LRIG1: variants seen among roughly 807,000 people sequenced by gnomAD.
The protein encoded by LRIG1 is leucine rich repeats and immunoglobulin like domains 1, also known as leucine-rich repeats and immunoglobulin-like domains protein 1.
Under a neutral mutation model 99.2 loss-of-function variants are expected in LRIG1, and 48 were observed. That is an observed-to-expected ratio of 0.48 (90% CI 0.38 to 0.62). LRIG1 has a LOEUF of 0.62. LRIG1 is among the 20% of genes least tolerant of loss of function. The pLI, the probability that LRIG1 is intolerant of heterozygous loss-of-function variation, is 0.00. For synonymous variants in LRIG1, 772 were observed against 596.1 expected (o/e 1.29, Z -4.30); for missense variants, 1,646 against 1,434.4 (o/e 1.15, Z -2.38).
At chr3:66,404,401 C>A in intron 9 of LRIG1, 1 of 1,248,448 alleles carries the variant, frequency 8.0e-7, no homozygotes, top group South Asian at 1.4e-5. Flanking sequence ...TGCTAGTAAA[C>A]AGTAATAATG....
intron 1 of LRIG1, among the ~76,000 whole-genome samples, chr3:66,491,792 G>A (rs2106925471): frequency 6.6e-6 from 1 of 152,222 alleles, no homozygotes; most frequent in East Asian, 1.9e-4. Context: ...GATCAAATAA[G>A]ACAGCTGATG....
At chr3:66,403,930 A>G (rs183157252) in intron 9 of LRIG1, among the ~76,000 whole-genome samples, 70 of 152,290 alleles carry the variant, frequency 4.6e-4, no homozygotes, top group African/African-American at 1.6e-3. Context: ...CTTGCTAAGA[A>G]GGCCTCTGCC....
intron 12 of LRIG1, chr3:66,386,597 C>A (rs1381891433): frequency 8.8e-6 from 3 of 341,772 alleles, no homozygotes; most frequent in Non-Finnish European, 1.6e-5. Context: ...CTTAAGACAA[C>A]TGGCTCTGCC....
chr3:66,382,717 C>T (rs562317751), intron 15 of LRIG1, among the ~76,000 whole-genome samples: 5 of 152,320 alleles, frequency 3.3e-5, no homozygotes, highest in East Asian at 1.9e-4. Flanking sequence ...TGTGCATAGG[C>T]GGCCTCTGAG....
chr3:66,475,513 C>T (rs896493744), intron 1 of LRIG1, among the ~76,000 whole-genome samples: 8 of 152,340 alleles, frequency 5.3e-5, no homozygotes, highest in African/African-American at 1.9e-4. Flanking sequence ...CCACCACACT[C>T]AGTCCTGAAA....
At chr3:66,427,364 C>T (rs1467055592) in intron 3 of LRIG1, among the ~76,000 whole-genome samples, 1 of 152,272 alleles carries the variant, frequency 6.6e-6, no homozygotes. Flanking sequence ...ATCTGAGACC[C>T]TCATATTACT....
intron 1 of LRIG1, among the ~76,000 whole-genome samples, chr3:66,478,868 C>T (rs886558115): frequency 1.3e-5 from 2 of 152,162 alleles, no homozygotes; most frequent in African/African-American, 2.4e-5. Context: ...CCTCTACCCC[C>T]AGAGGCCTGC....
rs1397538747 is a variant in LRIG1, at chr3:66,380,676, C to A, written c.2956G>T (p.Gly986Trp). The change falls in exon 18 of 19, where the codon GGG becomes TGG. Residue 986 changes from glycine to tryptophan, a missense_variant. Physicochemically the swap from Gly to Trp is radical, Grantham distance 184. Transcript: ENST00000273261. ...GACCCTTGGCACTCGGGGCAGGACC[C>A]AGCGGCAGTCCTGCTGCACTGGTGA... Reference protein sequence around the residue: ...PHHQCSRTAAGSCPECQGSLY... With the variant: ...PHHQCSRTAAWSCPECQGSLY... The A allele has an allele frequency of 6.2e-7, 1 of 1,614,096 alleles. No homozygotes were observed. Among genetic ancestry groups the A allele is most frequent in the African/African-American group, 1.3e-5 (1 of 74,930 alleles).
At chr3:66,450,950 T>C (rs1330874138) in intron 3 of LRIG1, among the ~76,000 whole-genome samples, 3 of 152,212 alleles carry the variant, frequency 2.0e-5, no homozygotes, top group Non-Finnish European at 4.4e-5. Flanking sequence ...CTCAGTTCTC[T>C]AGCAAAGGTT....
intron 1 of LRIG1, among the ~76,000 whole-genome samples, chr3:66,485,858 T>C (rs761016738): frequency 1.3e-5 from 2 of 152,158 alleles, no homozygotes; most frequent in Non-Finnish European, 2.9e-5. Context: ...ACACCATGTA[T>C]AGAGCACCAG....
At chr3:66,490,612 T>C (rs13086212) in intron 1 of LRIG1, among the ~76,000 whole-genome samples, 117,135 of 151,914 alleles carry the variant, frequency 0.77, 52,019 homozygotes, top group Non-Finnish European at 0.99. Flanking sequence ...TTTCATAGAA[T>C]CTCTCAATAC....
chr3:66,498,480 C>T (rs936773359), intron 1 of LRIG1, among the ~76,000 whole-genome samples: 1 of 151,854 alleles, frequency 6.6e-6, no homozygotes, highest in African/African-American at 2.4e-5. Flanking sequence ...CCCCACAATG[C>T]CACTGACACA....
intron 3 of LRIG1, among the ~76,000 whole-genome samples, chr3:66,446,424 GAGAA>G (rs1703728297): frequency 2.6e-5 from 1 of 38,312 alleles, no homozygotes; most frequent in Non-Finnish European, 5.1e-5. Context: ...TTTTTTTTTT[GAGAA>G]AGAGTTTGTT....
intron 5 of LRIG1, among the ~76,000 whole-genome samples, chr3:66,413,761 G>A (rs962506451): frequency 6.6e-6 from 1 of 152,118 alleles, no homozygotes; most frequent in African/African-American, 2.4e-5. Context: ...ACCTTCTCAG[G>A]AATCACTGAG....
intron 1 of LRIG1, among the ~76,000 whole-genome samples, chr3:66,487,851 G>A (rs975911656): frequency 2.0e-5 from 3 of 152,096 alleles, no homozygotes; most frequent in African/African-American, 7.2e-5. Flanking sequence ...GTAAAGTCTA[G>A]TTTTTTGGAC....
intron 3 of LRIG1, among the ~76,000 whole-genome samples, chr3:66,429,642 C>CAT (rs1703091425): frequency 6.6e-6 from 1 of 152,060 alleles, no homozygotes; most frequent in East Asian, 1.9e-4. Context: ...TAATGGTGGG[C>CAT]ACATGTGATT....
In LRIG1 at chr3:66,382,355, A is replaced by G. The variant is rs367993330; in HGVS notation, c.2535T>C (p.Ser845=). The change falls in exon 16 of 19, where the codon TCT becomes TCC. Residue 845 remains serine, a synonymous_variant. Coordinates refer to ENST00000273261, the MANE Select transcript of LRIG1 (RefSeq NM_015541.3). ...VPPDVPSYLS[S]QGTLSDRQET... ...CTTGTCGGTCAGAAAGGGTCCCCTG[A>G]GAAGAGAGGTAGCTTGGAACATCTG... is the stretch of plus-strand genomic sequence containing the variant. 1.4e-5 allele frequency: 22 copies of G among 1,614,050 alleles called. No homozygotes were observed. The highest frequency in any genetic ancestry group is 1.6e-4 in the Middle Eastern group (1 of 6,084).
chr3:66,381,343 T>C, intron 17 of LRIG1, 136 bp downstream of exon 17: 1 of 741,696 alleles, frequency 1.3e-6, no homozygotes, highest in Non-Finnish European at 2.2e-6. Context: ...GGCCTGAGCT[T>C]CCCCTGTATA....
Position 66,410,128 on chromosome 3 carries a change from C to T in LRIG1, c.935+1G>A, listed in dbSNP as rs1575669444. 6.2e-7 allele frequency: 1 copy of T among 1,610,358 alleles called. No individual in the cohort carries two copies. Among genetic ancestry groups the T allele is most frequent in the South Asian group, 1.1e-5 (1 of 90,394 alleles). Reference sequence around the variant, plus strand: ...CACAGCCCAGAGCCGAGGACACTTACAACTCATGCAGCTTCTGGCAGAAGC... The same window carrying T: ...CACAGCCCAGAGCCGAGGACACTTATAACTCATGCAGCTTCTGGCAGAAGC... On this transcript the variant is annotated splice_donor_variant, in intron 7 of 18. Coordinates refer to ENST00000273261, the MANE Select transcript of LRIG1 (RefSeq NM_015541.3). LOFTEE classifies it high-confidence loss of function.
Sources: gnomAD v4.1 joint callset for allele counts (sites outside exome capture counted in the v4.1 genomes callset) on GRCh38, gnomAD v4.1.1 for gene constraint, MANE v1.5 for transcripts, NCBI Gene and HGNC (gene_info 2026-07-23, HGNC 2026-07-21) for gene names.